DLGAP1: variants seen among roughly 807,000 people sequenced by gnomAD.
DLGAP1 encodes DLG associated protein 1.
A neutral mutation model predicts 90.8 loss-of-function variants in DLGAP1; 11 were observed. The observed-to-expected ratio is 0.12, with a 90% CI of 0.08 to 0.20. DLGAP1 has a LOEUF of 0.20. DLGAP1 is among the 10% of genes least tolerant of loss of function. The pLI is 1.00. For synonymous variants in DLGAP1, 558 were observed against 540.7 expected (o/e 1.03, Z -0.44); for missense variants, 1,050 against 1,333.8 (o/e 0.79, Z 3.31).
intron 2 of DLGAP1, among the ~76,000 whole-genome samples, chr18:4,098,653 T>C (rs1343194112): frequency 6.6e-6 from 1 of 151,830 alleles, no homozygotes. Flanking sequence ...AATAGAAATA[T>C]GGAAAAAAGG....
chr18:4,445,293 A>C (rs1173898348), intron 1 of DLGAP1, among the ~76,000 whole-genome samples: 1 of 64,090 alleles, frequency 1.6e-5, no homozygotes, highest in Non-Finnish European at 3.1e-5. Context: ...CTAATTACCA[A>C]TCATCTTTTT....
At chr18:4,428,814 T>G (rs1325625348) in intron 1 of DLGAP1, among the ~76,000 whole-genome samples, 2 of 152,230 alleles carry the variant, frequency 1.3e-5, no homozygotes, top group African/African-American at 4.8e-5. Flanking sequence ...AACTGACTAA[T>G]ACACTGCTTC....
At chr18:4,275,018 T>G (rs1437276284) in intron 1 of DLGAP1, among the ~76,000 whole-genome samples, 1 of 152,228 alleles carries the variant, frequency 6.6e-6, no homozygotes, top group Non-Finnish European at 1.5e-5. Context: ...ACTTCTAATT[T>G]GGGAAATTGG....
chr18:4,345,842 G>A (rs955929371), intron 1 of DLGAP1, among the ~76,000 whole-genome samples: 6 of 152,160 alleles, frequency 3.9e-5, no homozygotes, highest in South Asian at 2.1e-4. Flanking sequence ...ATCAGGTCAC[G>A]ACATCAAATA....
chr18:4,057,177 T>C (rs1295419727), intron 2 of DLGAP1, among the ~76,000 whole-genome samples: 1 of 152,020 alleles, frequency 6.6e-6, no homozygotes, highest in African/African-American at 2.4e-5. Flanking sequence ...AAACTGTCTC[T>C]GAAATAATAA....
intron 6 of DLGAP1, among the ~76,000 whole-genome samples, chr18:3,740,742 C>T (rs542392620): frequency 1.3e-5 from 2 of 151,988 alleles, no homozygotes; most frequent in South Asian, 4.2e-4. Flanking sequence ...ACAATCACGA[C>T]CACCACCACC....
chr18:3,784,737 C>A (rs144837315), intron 5 of DLGAP1, among the ~76,000 whole-genome samples: 1 of 152,266 alleles, frequency 6.6e-6, no homozygotes, highest in African/African-American at 2.4e-5. Flanking sequence ...GGGGAAAAGG[C>A]GCTGCCAGAA....
chr18:3,889,067 G>C (rs2071396058), intron 3 of DLGAP1, among the ~76,000 whole-genome samples: 1 of 152,046 alleles, frequency 6.6e-6, no homozygotes, highest in South Asian at 2.1e-4. Context: ...TACAATTGAT[G>C]GGGGTAGAAT....
chr18:4,049,937 T>C (rs967362783), intron 2 of DLGAP1, among the ~76,000 whole-genome samples: 1 of 151,462 alleles, frequency 6.6e-6, no homozygotes, highest in Non-Finnish European at 1.5e-5. Flanking sequence ...CATCCATCCA[T>C]CCATCCATCC....
chr18:3,575,110 G>A (rs1378258459), intron 8 of DLGAP1, among the ~76,000 whole-genome samples: 2 of 152,112 alleles, frequency 1.3e-5, no homozygotes, highest in Non-Finnish European at 2.9e-5. Context: ...CACCATGCAT[G>A]GGCCTTTTTA....
intron 1 of DLGAP1, among the ~76,000 whole-genome samples, chr18:4,430,302 G>A (rs1379511307): frequency 1.3e-5 from 2 of 152,134 alleles, no homozygotes; most frequent in Admixed American, 6.5e-5. Context: ...CTTTAAGGAT[G>A]TATAGTTTAT....
chr18:4,066,692 T>C (rs2075374466), intron 2 of DLGAP1, among the ~76,000 whole-genome samples: 1 of 152,004 alleles, frequency 6.6e-6, no homozygotes. Flanking sequence ...GCTGGCAAGA[T>C]TGTGGAGAAA....
At chr18:3,969,053 T>A (rs2073390341) in intron 3 of DLGAP1, among the ~76,000 whole-genome samples, 2 of 151,886 alleles carry the variant, frequency 1.3e-5, no homozygotes, top group Non-Finnish European at 2.9e-5. Context: ...ACTGGGGACA[T>A]AGGATGTATA....
At chr18:4,275,572 A>T (rs927618294) in intron 1 of DLGAP1, among the ~76,000 whole-genome samples, 6 of 143,118 alleles carry the variant, frequency 4.2e-5, no homozygotes, top group African/African-American at 1.6e-4. Flanking sequence ...CTAGAATGTA[A>T]ATCCTAACAA....
intron 1 of DLGAP1, among the ~76,000 whole-genome samples, chr18:4,245,187 C>A (rs971971280): frequency 6.6e-6 from 1 of 152,072 alleles, no homozygotes; most frequent in Admixed American, 6.5e-5. Context: ...GGAAAGTGCT[C>A]GGTACTTGAC....
At chr18:3,997,632 C>G (rs546120060) in intron 3 of DLGAP1, among the ~76,000 whole-genome samples, 25 of 151,594 alleles carry the variant, frequency 1.6e-4, no homozygotes, top group South Asian at 1.5e-3. Flanking sequence ...AGAACAGCAC[C>G]ATACAATAGA....
At chr18:3,726,941 G>T (rs1307106233) in intron 7 of DLGAP1, among the ~76,000 whole-genome samples, 1 of 152,122 alleles carries the variant, frequency 6.6e-6, no homozygotes, top group Admixed American at 6.5e-5. Context: ...TCCCCGTTTT[G>T]GGTGTTTTCC....
chr18:3,965,026 T>TGGCCAGAG lies in DLGAP1; in HGVS notation c.-73+40082_-73+40089dup, dbSNP rs552368217. 1.4e-3 allele frequency among the ~76,000 whole-genome samples: 216 copies of TGGCCAGAG among 152,350 alleles called. 2 individuals are homozygous for TGGCCAGAG. The South Asian group carries it at 0.019, about 13-fold the overall frequency. ...AAAGACATTTCAAATCCTAACCACCTGGCCAGAGGGTGATTCCTGTTGTTT... is the reference window on the plus strand; with the variant it reads ...AAAGACATTTCAAATCCTAACCACCTGGCCAGAGGGCCAGAGGGTGATTCCTGTTGTTT... On this transcript the variant is annotated intron_variant, in intron 3 of 12. Coordinates refer to ENST00000315677, the MANE Select transcript of DLGAP1 (RefSeq NM_004746.4).
At chr18:3,802,997 A>G (rs931313078) in intron 5 of DLGAP1, among the ~76,000 whole-genome samples, 1 of 152,184 alleles carries the variant, frequency 6.6e-6, no homozygotes, top group African/African-American at 2.4e-5. Context: ...AAGGCTACCT[A>G]AAAATAATGC....
Sources: gnomAD v4.1 joint callset for allele counts (sites outside exome capture counted in the v4.1 genomes callset) on GRCh38, gnomAD v4.1.1 for gene constraint, MANE v1.5 for transcripts, NCBI Gene and HGNC (gene_info 2026-07-23, HGNC 2026-07-21) for gene names.